The following SHANK2 variants were observed in gnomAD, a reference collection of about 807,000 sequenced individuals.
SHANK2 encodes the protein SH3 and multiple ankyrin repeat domains protein 2.
SHANK2 carries 43 observed loss-of-function variants against 133.7 expected under a neutral mutation model. The observed-to-expected ratio is 0.32, with a 90% CI of 0.25 to 0.41. The LOEUF (loss-of-function observed/expected upper bound fraction) is 0.41, where lower values mean the gene tolerates loss of function less well. SHANK2 is among the 10% of genes least tolerant of loss of function. The probability of loss-of-function intolerance (pLI) is 1.00; values close to 1 mark genes in which losing one functional copy is unlikely to be tolerated. For synonymous variants in SHANK2, 1,017 were observed against 952.8 expected (o/e 1.07, Z -1.24); for missense variants, 1,994 against 2,235.8 (o/e 0.89, Z 2.18).
chr11:70,639,622 T>C (rs1266292346), intron 17 of SHANK2, among the ~76,000 whole-genome samples: 1 of 152,176 alleles, frequency 6.6e-6, no homozygotes, highest in Non-Finnish European at 1.5e-5. Context: ...TCTTTTCTTT[T>C]TGAGAGTCAA....
At chr11:70,815,174 A>G (rs1234128581) in intron 12 of SHANK2, among the ~76,000 whole-genome samples, 1 of 121,990 alleles carries the variant, frequency 8.2e-6, no homozygotes, top group East Asian at 2.5e-4. Context: ...ATGGGAGAAG[A>G]AACACACACA....
At position 70,660,034 on chromosome 11, in the gene SHANK2, G is replaced by A. The variant is rs112202966; in HGVS notation, c.1937-82C>T. On this transcript the variant is annotated intron_variant, in intron 16 of 25. Coordinates refer to ENST00000601538, the MANE Select transcript of SHANK2 (RefSeq NM_012309.5). ...TTGCCTGACCTCCCCACAGGACCCC[G>A]GGAGGAAGTGGGCCCACTCATCTCC... The A allele has an allele frequency of 8.6e-5, 135 of 1,576,086 alleles. 1 individual carries two copies. In the East Asian group the frequency reaches 1.3e-3, roughly 15 times the overall value.
intron 2 of SHANK2, among the ~76,000 whole-genome samples, chr11:71,218,920 C>G (rs1954474982): frequency 6.6e-6 from 1 of 152,174 alleles, no homozygotes; most frequent in Admixed American, 6.5e-5. Flanking sequence ...GAAGGAGTCC[C>G]AAGCAGCCTT....
chr11:71,200,305 T>C (rs1555116876), intron 2 of SHANK2, among the ~76,000 whole-genome samples: 1 of 152,232 alleles, frequency 6.6e-6, no homozygotes. Context: ...ATCCATTCCT[T>C]TTCAGGCCAA....
intron 11 of SHANK2, among the ~76,000 whole-genome samples, chr11:70,833,604 A>T (rs1031652305): frequency 6.6e-6 from 1 of 152,226 alleles, no homozygotes; most frequent in Admixed American, 6.5e-5. Context: ...ATCCCCAAAA[A>T]CAAAGCAAGC....
Position 70,472,988 on chromosome 11 carries a change from C to T in SHANK2, c.5431G>A (p.Glu1811Lys). 1 of 1,614,248 alleles carries T rather than the reference C, an allele frequency of 6.2e-7. No individual in the cohort carries two copies. The highest frequency in any genetic ancestry group is 8.5e-7 in the Non-Finnish European group (1 of 1,180,048). Residue 1811 changes from glutamate to lysine, a missense_variant, in exon 26 of 26, where the codon GAG becomes AAG. By Grantham distance (56) the Glu-to-Lys change is moderately conservative. This residue lies in a region of SHANK2 where 42 missense variants were observed against 79.9 expected (regional missense o/e 0.53). Coordinates refer to ENST00000601538, the MANE Select transcript of SHANK2 (RefSeq NM_012309.5). This position sits in a 1 kb window ranked among gnomAD's most constrained non-coding sequence, Gnocchi z 4.4. ...TTTGGTAAGTGACTGCCATCGATCT[C>T]ATTGTCCATGAAGGCCTCTTTATGT... The part of the protein sequence containing the change: ...GEHKEAFMDN[E>K]IDGSHLPNLQ...
At chr11:70,481,112 G>C (rs530123013) in intron 25 of SHANK2, among the ~76,000 whole-genome samples, 1 of 152,356 alleles carries the variant, frequency 6.6e-6, no homozygotes, top group South Asian at 2.1e-4. Context: ...AATCAGGCCA[G>C]GTGGTCCTGG....
chr11:71,134,063 T>G (rs1590944325), intron 3 of SHANK2, among the ~76,000 whole-genome samples: 1 of 151,798 alleles, frequency 6.6e-6, no homozygotes, highest in Non-Finnish European at 1.5e-5. Context: ...GCTTTTACCT[T>G]TCTCGGTGGA....
chr11:70,590,493 T>C (rs1455690935), intron 17 of SHANK2, among the ~76,000 whole-genome samples: 1 of 152,184 alleles, frequency 6.6e-6, no homozygotes, highest in Non-Finnish European at 1.5e-5. Context: ...GAAAAGTCAA[T>C]TGATGTGGTA....
Position 70,561,609 on chromosome 11 carries a change from G to T in SHANK2, c.2062-58678C>A, listed in dbSNP as rs556333047. ...CGTGGTGCAATCATAGCTCACTGTA[G>T]CTTCAAACTTCTGGGCTCAAGTGAT... On this transcript the variant is annotated intron_variant, in intron 17 of 25. Coordinates refer to ENST00000601538, the MANE Select transcript of SHANK2 (RefSeq NM_012309.5). Among the ~76,000 whole-genome samples the T allele has an allele frequency of 2.6e-5, 4 of 152,010 alleles. No homozygotes were observed. In the East Asian group the frequency reaches 7.8e-4, roughly 29 times the overall value.
At chr11:70,781,152 G>A (rs887462179) in intron 14 of SHANK2, among the ~76,000 whole-genome samples, 6 of 150,578 alleles carry the variant, frequency 4.0e-5, no homozygotes, top group African/African-American at 7.4e-5. Context: ...GTGAGACCCC[G>A]GACCGGTTGC....
Position 70,487,599 on chromosome 11 carries a change from T to G in SHANK2, c.2694A>C (p.Pro898=). 6.2e-7 allele frequency: 1 copy of G among 1,609,250 alleles called. No homozygotes were observed. The highest frequency in any genetic ancestry group is 8.5e-7 in the Non-Finnish European group (1 of 1,178,250). ...PPPPQSVPPS[P]PPPSPTTYNC... ...TGTAAGTGGTTGGGGAAGGTGGTGG[T>G]GGGGACGGGGGCACAGACTGCGGTG... The change falls in exon 25 of 26, where the codon CCA becomes CCC. Residue 898 remains proline (P), a synonymous_variant. Transcript: ENST00000601538. The surrounding 1 kb of genome is among the most constrained non-coding windows in gnomAD (Gnocchi z 5.8).
At chr11:71,223,795 A>G (rs981304347) in intron 2 of SHANK2, among the ~76,000 whole-genome samples, 1 of 152,062 alleles carries the variant, frequency 6.6e-6, no homozygotes, top group African/African-American at 2.4e-5. Flanking sequence ...ACCACCAGGT[A>G]CACCCCCATC....
chr11:70,546,567 T>C (rs2059699226), intron 17 of SHANK2, among the ~76,000 whole-genome samples: 3 of 152,200 alleles, frequency 2.0e-5, no homozygotes, highest in Non-Finnish European at 4.4e-5. Flanking sequence ...TTGGTCAGTC[T>C]TTCCTCAAGA....
intron 8 of SHANK2, among the ~76,000 whole-genome samples, chr11:71,083,268 G>A (rs949122233): frequency 5.9e-5 from 9 of 152,170 alleles, no homozygotes; most frequent in African/African-American, 1.4e-4. Flanking sequence ...TAATGATGAC[G>A]TCAGACGTGG....
intron 17 of SHANK2, among the ~76,000 whole-genome samples, chr11:70,624,081 C>G (rs1190484457): frequency 6.6e-6 from 1 of 152,104 alleles, no homozygotes; most frequent in African/African-American, 2.4e-5. Context: ...GTGTGGACTT[C>G]TGGGAGCAGA....
At chr11:70,561,896 A>C (rs1773295539) in intron 17 of SHANK2, among the ~76,000 whole-genome samples, 1 of 152,142 alleles carries the variant, frequency 6.6e-6, no homozygotes, top group Non-Finnish European at 1.5e-5. Flanking sequence ...TGAAGCAGTG[A>C]TCTGAGGCCT....
At chr11:70,770,735 G>A (rs1375149796) in intron 14 of SHANK2, among the ~76,000 whole-genome samples, 2 of 152,086 alleles carry the variant, frequency 1.3e-5, no homozygotes, top group East Asian at 3.9e-4. Context: ...ACTGGAGCAT[G>A]GGCCTCCTCT....
intron 8 of SHANK2, among the ~76,000 whole-genome samples, chr11:71,084,431 G>A (rs1247193350): frequency 1.3e-5 from 2 of 152,196 alleles, no homozygotes; most frequent in African/African-American, 4.8e-5. Flanking sequence ...ACAATGATGG[G>A]AAAGCAGCGG....
Sources: gnomAD v4.1 joint callset for allele counts (sites outside exome capture counted in the v4.1 genomes callset) on GRCh38, gnomAD v4.1.1 for gene constraint, gnomAD v4.1.1 regional missense constraint, Gnocchi (gnomAD v3.1) non-coding constraint, MANE v1.5 for transcripts, NCBI Gene and HGNC (gene_info 2026-07-23, HGNC 2026-07-21) for gene names.